The following PTPRM variants were observed in gnomAD, a reference collection of about 807,000 sequenced individuals.
PTPRM encodes the protein protein tyrosine phosphatase receptor type M.
Under a neutral mutation model 186.7 loss-of-function variants are expected in PTPRM, and 47 were observed. That is an observed-to-expected ratio of 0.25 (90% CI 0.20 to 0.32). The LOEUF (loss-of-function observed/expected upper bound fraction) is 0.32. PTPRM is among the 10% of genes least tolerant of loss of function. The probability of loss-of-function intolerance (pLI) is 1.00; values close to 1 mark genes in which losing one functional copy is unlikely to be tolerated. For missense variants in PTPRM, 1,494 were observed against 1,865.0 expected (o/e 0.80, Z 3.66); for synonymous variants, 668 against 674.9 (o/e 0.99, Z 0.16).
chr18:8,351,867 C>T (rs2095536099), intron 23 of PTPRM, among the ~76,000 whole-genome samples: 1 of 152,176 alleles, frequency 6.6e-6, no homozygotes, highest in Non-Finnish European at 1.5e-5. Flanking sequence ...AGGCCTTCTA[C>T]AGACTCCTCA....
chr18:7,973,383 T>C (rs1329142396), intron 7 of PTPRM, among the ~76,000 whole-genome samples: 2 of 152,184 alleles, frequency 1.3e-5, no homozygotes, highest in African/African-American at 2.4e-5. Flanking sequence ...CCTCAAATGC[T>C]TTCGAGCATT....
At chr18:8,084,907 T>G (rs375738222) in intron 9 of PTPRM, among the ~76,000 whole-genome samples, 24 of 152,292 alleles carry the variant, frequency 1.6e-4, no homozygotes, top group African/African-American at 5.5e-4. Context: ...TCCAACATGC[T>G]TTGAATATCT....
intron 1 of PTPRM, among the ~76,000 whole-genome samples, chr18:7,673,195 A>G (rs75931875): frequency 0.021 from 3,170 of 152,318 alleles, 107 homozygotes; most frequent in African/African-American, 0.073. Context: ...CCACTGCAGC[A>G]TGAATGCCTT....
chr18:8,359,678 C>T (rs2095584953), intron 23 of PTPRM, among the ~76,000 whole-genome samples: 2 of 152,228 alleles, frequency 1.3e-5, no homozygotes, highest in Admixed American at 6.5e-5. Context: ...GACAAGTGCA[C>T]CTGGGACCGA....
chr18:8,384,204 TC>T (rs1288140215), intron 29 of PTPRM, among the ~76,000 whole-genome samples: 1 of 152,200 alleles, frequency 6.6e-6, no homozygotes, highest in Non-Finnish European at 1.5e-5. Context: ...ACATCCGTAA[TC>T]CCAGCAATTT....
intron 2 of PTPRM, among the ~76,000 whole-genome samples, chr18:7,827,788 T>G (rs566325627): frequency 6.6e-6 from 1 of 152,374 alleles, no homozygotes; most frequent in East Asian, 1.9e-4. Flanking sequence ...TACATTTATA[T>G]ATCCATAGTG....
At chr18:7,580,322 C>T (rs146795569) in intron 1 of PTPRM, among the ~76,000 whole-genome samples, 1 of 152,288 alleles carries the variant, frequency 6.6e-6, no homozygotes, top group East Asian at 1.9e-4. Flanking sequence ...CATGAGGTTG[C>T]TTGCTAACAA....
intron 1 of PTPRM, among the ~76,000 whole-genome samples, chr18:7,750,493 G>T (rs927947042): frequency 6.6e-6 from 1 of 152,216 alleles, no homozygotes; most frequent in Middle Eastern, 3.4e-3. Flanking sequence ...AACATTCCTC[G>T]TATCAGTCTT....
chr18:8,258,883 G>T (rs1242227062), intron 19 of PTPRM, among the ~76,000 whole-genome samples: 1 of 152,098 alleles, frequency 6.6e-6, no homozygotes, highest in African/African-American at 2.4e-5. Context: ...AAAAAAGTGT[G>T]TGTGTACATG....
intron 7 of PTPRM, among the ~76,000 whole-genome samples, chr18:7,962,604 A>G (rs958633634): frequency 6.6e-6 from 1 of 152,218 alleles, no homozygotes; most frequent in Non-Finnish European, 1.5e-5. Context: ...GGAAATGAGT[A>G]GTGACAGGTT....
chr18:7,593,912 C>T (rs535428083), intron 1 of PTPRM, among the ~76,000 whole-genome samples: 1 of 152,210 alleles, frequency 6.6e-6, no homozygotes, highest in South Asian at 2.1e-4. Context: ...ACCTACATGG[C>T]TTATCTGAGG....
At chr18:8,202,085 G>A (rs1392467419) in intron 14 of PTPRM, among the ~76,000 whole-genome samples, 1 of 152,180 alleles carries the variant, frequency 6.6e-6, no homozygotes, top group East Asian at 1.9e-4. Flanking sequence ...TAAATGTGTT[G>A]TTCAAATTTG....
intron 16 of PTPRM, 34 bp from the exon 17 acceptor site, chr18:8,248,116 T>C (rs1186865219): frequency 1.3e-6 from 2 of 1,522,126 alleles, no homozygotes; most frequent in Admixed American, 3.3e-5. Flanking sequence ...TCTTTTTACT[T>C]TCTCTGCATT....
intron 14 of PTPRM, among the ~76,000 whole-genome samples, chr18:8,175,593 G>T (rs1230593399): frequency 2.6e-5 from 4 of 152,272 alleles, no homozygotes; most frequent in Non-Finnish European, 5.9e-5. Flanking sequence ...TAATTCAACA[G>T]TGTATGATTT....
chr18:7,829,340 G>A (rs1321439536), intron 2 of PTPRM, among the ~76,000 whole-genome samples: 1 of 152,100 alleles, frequency 6.6e-6, no homozygotes, highest in Non-Finnish European at 1.5e-5. Context: ...TCACATTCAA[G>A]ATAATAATAG....
chr18:7,986,424 A>G (rs2082967338), intron 7 of PTPRM, among the ~76,000 whole-genome samples: 1 of 152,222 alleles, frequency 6.6e-6, no homozygotes, highest in African/African-American at 2.4e-5. Context: ...CAAATCTGTG[A>G]TTGCCAGCTG....
At chr18:8,264,725 G>A (rs904168626) in intron 19 of PTPRM, among the ~76,000 whole-genome samples, 5 of 146,268 alleles carry the variant, frequency 3.4e-5, no homozygotes, top group African/African-American at 5.1e-5. Context: ...GCAGAGATCC[G>A]AGATTGCACC....
chr18:8,342,103 A>G (rs1429750429), intron 22 of PTPRM, among the ~76,000 whole-genome samples: 1 of 152,200 alleles, frequency 6.6e-6, no homozygotes, highest in Non-Finnish European at 1.5e-5. Context: ...GAAAGGAAGG[A>G]GGCCTGGACA....
chr18:8,341,418 G>C (rs1439375655), intron 22 of PTPRM, among the ~76,000 whole-genome samples: 2 of 152,176 alleles, frequency 1.3e-5, no homozygotes, highest in Non-Finnish European at 2.9e-5. Flanking sequence ...CCTCCGGGAG[G>C]GGTCTTACAC....
Sources: gnomAD v4.1 joint callset for allele counts (sites outside exome capture counted in the v4.1 genomes callset) on GRCh38, gnomAD v4.1.1 for gene constraint, MANE v1.5 for transcripts, NCBI Gene and HGNC (gene_info 2026-07-23, HGNC 2026-07-21) for gene names.